Variants in SPOCK3 observed in about 807,000 individuals in gnomAD.
SPOCK3 encodes the protein testican-3.
Under a neutral mutation model 56.6 loss-of-function variants are expected in SPOCK3, and 30 were observed. The observed-to-expected ratio is 0.53, with a 90% CI of 0.40 to 0.72. The LOEUF is 0.72. SPOCK3 is among the 30% of genes least tolerant of loss of function. SPOCK3 has a pLI of 0.00. For missense variants in SPOCK3, 527 were observed against 530.0 expected (o/e 0.99, Z 0.06); for synonymous variants, 196 against 183.3 (o/e 1.07, Z -0.56).
At chr4:166,803,024 T>C (rs1394657102) in intron 6 of SPOCK3, among the ~76,000 whole-genome samples, 1 of 152,086 alleles carries the variant, frequency 6.6e-6, no homozygotes, top group Non-Finnish European at 1.5e-5. Flanking sequence ...GATAACTTGG[T>C]CTCCAATTGC....
chr4:166,936,938 T>G (rs528495426), intron 4 of SPOCK3, among the ~76,000 whole-genome samples: 1 of 152,282 alleles, frequency 6.6e-6, no homozygotes, highest in Non-Finnish European at 1.5e-5. Flanking sequence ...TTTGAAATAT[T>G]TTCTAACCTT....
intron 2 of SPOCK3, among the ~76,000 whole-genome samples, chr4:167,065,935 A>G (rs561942749): frequency 1.8e-4 from 28 of 151,970 alleles, no homozygotes; most frequent in African/African-American, 6.7e-4. Flanking sequence ...CCAATCCTGA[A>G]TGTTTCAAGA....
intron 3 of SPOCK3, among the ~76,000 whole-genome samples, chr4:167,040,032 C>T (rs185188394): frequency 1.2e-3 from 185 of 152,270 alleles, no homozygotes; most frequent in African/African-American, 4.3e-3. Flanking sequence ...AGTTGTAAAG[C>T]CCACACTCAA....
At chr4:167,234,543 C>T (rs1737534844), upstream of SPOCK3, 1 of 268,976 alleles carries the variant, frequency 3.7e-6, no homozygotes, top group Admixed American at 4.8e-5. Flanking sequence ...GCACGCGCCG[C>T]CGTCTCGAGC....
At chr4:167,096,620 A>C (rs1286444927) in intron 2 of SPOCK3, among the ~76,000 whole-genome samples, 2 of 151,748 alleles carry the variant, frequency 1.3e-5, no homozygotes, top group Non-Finnish European at 3.0e-5. Flanking sequence ...CTGAGAACAT[A>C]TTTTCAATTA....
intron 4 of SPOCK3, among the ~76,000 whole-genome samples, chr4:166,970,374 C>T (rs1345854046): frequency 1.3e-5 from 2 of 152,098 alleles, no homozygotes; most frequent in Non-Finnish European, 2.9e-5. Flanking sequence ...ATCAATGTAC[C>T]ACCACTCTTA....
intron 7 of SPOCK3, among the ~76,000 whole-genome samples, chr4:166,763,085 CA>C (rs1737469216): frequency 6.6e-6 from 1 of 151,262 alleles, no homozygotes; most frequent in Non-Finnish European, 1.5e-5. Context: ...GAAAGAAAAC[CA>C]AACTAAAGCA....
At chr4:166,928,519 A>G (rs971918358) in intron 4 of SPOCK3, among the ~76,000 whole-genome samples, 5 of 152,326 alleles carry the variant, frequency 3.3e-5, no homozygotes, top group Non-Finnish European at 5.9e-5. Flanking sequence ...GTGGTTTGCC[A>G]GGGGTTATTA....
At chr4:166,926,722 T>C (rs1448937380) in intron 4 of SPOCK3, among the ~76,000 whole-genome samples, 2 of 152,100 alleles carry the variant, frequency 1.3e-5, no homozygotes, top group African/African-American at 4.8e-5. Flanking sequence ...TAGTAATAGG[T>C]ATGTATGGAA....
intron 2 of SPOCK3, among the ~76,000 whole-genome samples, chr4:167,219,697 C>A (rs1580666227): frequency 6.6e-6 from 1 of 151,906 alleles, no homozygotes; most frequent in Admixed American, 6.6e-5. Context: ...CAGAATATTC[C>A]ATATAACCAT....
At chr4:167,070,421 T>A (rs1226913520) in intron 2 of SPOCK3, among the ~76,000 whole-genome samples, 4 of 151,924 alleles carry the variant, frequency 2.6e-5, no homozygotes, top group African/African-American at 7.2e-5. Context: ...TTTATATATC[T>A]ATACAGAAAT....
chr4:166,892,091 G>A (rs904324115), intron 5 of SPOCK3, among the ~76,000 whole-genome samples: 4 of 151,900 alleles, frequency 2.6e-5, no homozygotes, highest in Admixed American at 2.6e-4. Flanking sequence ...AAAAGTTGAT[G>A]ATTCATTTTT....
At chr4:167,116,402 T>G (rs1433691181) in intron 2 of SPOCK3, among the ~76,000 whole-genome samples, 1 of 147,344 alleles carries the variant, frequency 6.8e-6, no homozygotes, top group Non-Finnish European at 1.5e-5. Flanking sequence ...TGTAAATATA[T>G]ATACACAAAA....
At chr4:166,781,273 C>G (rs1269378502) in intron 7 of SPOCK3, among the ~76,000 whole-genome samples, 6 of 152,066 alleles carry the variant, frequency 3.9e-5, no homozygotes. Context: ...CAGAGAAATA[C>G]TTTAAAATTA....
intron 3 of SPOCK3, among the ~76,000 whole-genome samples, chr4:167,002,974 A>T (rs1458972119): frequency 6.6e-6 from 1 of 152,162 alleles, no homozygotes. Context: ...TTAATCTTGG[A>T]CTTATGTTCT....
At chr4:166,847,890 A>G (rs1022650218) in intron 6 of SPOCK3, among the ~76,000 whole-genome samples, 1 of 151,886 alleles carries the variant, frequency 6.6e-6, no homozygotes, top group Admixed American at 6.6e-5. Context: ...TAATTCAAAG[A>G]CTTCTAGTTA....
chr4:167,042,396 A>G (rs1406502390), intron 3 of SPOCK3, among the ~76,000 whole-genome samples: 2 of 152,306 alleles, frequency 1.3e-5, no homozygotes, highest in East Asian at 3.9e-4. Flanking sequence ...TTGTTATGTA[A>G]TTGTTTTAAC....
Position 167,098,264 on chromosome 4 carries a change from C to A in SPOCK3, c.190-35727G>T, listed in dbSNP as rs143545906. On this transcript the variant is annotated intron_variant, in intron 2 of 10. Coordinates refer to ENST00000357545, the MANE Select transcript of SPOCK3 (RefSeq NM_001040159.2). ...TTTCTCAGAGATTTACTATGAGAAC[C>A]TGCTGGAAATTCCAGAGATGAAACA... Among the ~76,000 whole-genome samples, 51 of 152,090 alleles carry A rather than the reference C, an allele frequency of 3.4e-4. No homozygotes were observed. The East Asian group carries it at 9.9e-3, about 29-fold the overall frequency.
chr4:166,762,790 C>T (rs779360659), intron 7 of SPOCK3, among the ~76,000 whole-genome samples: 76 of 152,024 alleles, frequency 5.0e-4, no homozygotes, highest in Admixed American at 2.6e-3. Context: ...ACATTGGACA[C>T]TTCAGAAGAA....
Sources: allele counts gnomAD v4.1 joint callset (sites outside exome capture counted in the v4.1 genomes callset), GRCh38; gene constraint gnomAD v4.1.1; transcripts MANE v1.5; gene names NCBI Gene and HGNC (gene_info 2026-07-23, HGNC 2026-07-21).